CFAP70: variants seen among roughly 807,000 people sequenced by gnomAD.
CFAP70 encodes cilia- and flagella-associated protein 70.
A neutral mutation model predicts 137.6 loss-of-function variants in CFAP70; 81 were observed. The ratio of observed to expected loss-of-function variants is 0.59; its 90% CI spans 0.49 to 0.71. The LOEUF (loss-of-function observed/expected upper bound fraction) is 0.71. Among genes scored for constraint, CFAP70 ranks in the 30% least tolerant of loss-of-function variants. CFAP70 has a pLI of 0.00. For synonymous variants in CFAP70, 382 were observed against 423.6 expected, an observed-to-expected ratio of 0.90 and a Z score of 1.20; for missense variants, 976 against 1,226.7, an observed-to-expected ratio of 0.80 and a Z score of 3.05.
At chr10:73,274,553 C>G (rs765539520) in exon 23 of CFAP70, 1 of 1,614,094 alleles carries the variant, frequency 6.2e-7, no homozygotes, top group Admixed American at 1.7e-5. Flanking sequence ...GATTTCCACT[C>G]AGAAAATAGA....
At chr10:73,305,619 A>G (rs1247482686) in intron 12 of CFAP70, among the ~76,000 whole-genome samples, 1 of 152,210 alleles carries the variant, frequency 6.6e-6, no homozygotes, top group Non-Finnish European at 1.5e-5. Context: ...TTTTGTTTGT[A>G]TTTAGATCCT....
At chr10:73,289,016 T>C (rs146829464) in intron 19 of CFAP70, among the ~76,000 whole-genome samples, 87 of 152,252 alleles carry the variant, frequency 5.7e-4, no homozygotes, top group African/African-American at 2.0e-3. Context: ...CTTACATTGG[T>C]TCATATCCTT....
chr10:73,307,655 A>C (rs1221604212), intron 12 of CFAP70, among the ~76,000 whole-genome samples: 1 of 152,210 alleles, frequency 6.6e-6, no homozygotes, highest in East Asian at 1.9e-4. Context: ...AAATACAGCA[A>C]TAAAATACAA....
chr10:73,357,946 A>G (rs183918036), intron 1 of CFAP70, among the ~76,000 whole-genome samples: 2 of 152,358 alleles, frequency 1.3e-5, no homozygotes, highest in Admixed American at 1.3e-4. Context: ...TGTCCTGTTT[A>G]TGAAGACTGG....
chr10:73,297,934 CA>C (rs1197962890), intron 14 of CFAP70, among the ~76,000 whole-genome samples: 1 of 152,188 alleles, frequency 6.6e-6, no homozygotes, highest in Non-Finnish European at 1.5e-5. Context: ...AACCAAGAGT[CA>C]AACTGAGACA....
intron 19 of CFAP70, among the ~76,000 whole-genome samples, chr10:73,288,466 T>C (rs556877334): frequency 1.3e-5 from 2 of 152,306 alleles, no homozygotes; most frequent in East Asian, 3.9e-4. Flanking sequence ...GACCCTCAGG[T>C]GCATGCTCTG....
chr10:73,303,136 A>G (rs967570211), intron 12 of CFAP70, among the ~76,000 whole-genome samples: 2 of 152,122 alleles, frequency 1.3e-5, no homozygotes, highest in East Asian at 1.9e-4. Context: ...AGGTCAAGCA[A>G]TCTTCCTGCC....
intron 8 of CFAP70, among the ~76,000 whole-genome samples, chr10:73,323,341 GC>G (rs1321773799): frequency 8.4e-6 from 1 of 119,388 alleles, no homozygotes; most frequent in African/African-American, 3.0e-5. Flanking sequence ...CGGGGGGGGG[GC>G]AGCCAAGATG....
intron 9 of CFAP70, among the ~76,000 whole-genome samples, chr10:73,322,659 G>T (rs2050980876): frequency 6.7e-6 from 1 of 150,244 alleles, no homozygotes; most frequent in African/African-American, 2.5e-5. Flanking sequence ...GCTGTTGCAT[G>T]TATCATTAGC....
chr10:73,348,112 ATT>A (rs773690222), intron 4 of CFAP70, 42 bp downstream of exon 5: 32 of 1,565,044 alleles, frequency 2.0e-5, no homozygotes, highest in Non-Finnish European at 2.6e-5. Flanking sequence ...GAATTGTTAC[ATT>A]GAATGGCAGG....
intron 25 of CFAP70, among the ~76,000 whole-genome samples, chr10:73,268,694 T>C (rs2045985192): frequency 8.8e-6 from 1 of 113,622 alleles, no homozygotes; most frequent in Non-Finnish European, 1.7e-5. Context: ...GTTTTTCTTC[T>C]TTTTTTTCTT....
In CFAP70 at chr10:73,357,000, C is replaced by T. The variant is rs145268942; in HGVS notation, c.-40+1714G>A. 7.2e-5 allele frequency among the ~76,000 whole-genome samples: 11 copies of T among 151,980 alleles called. No homozygotes were observed. The East Asian group carries it at 2.1e-3, about 29-fold the overall frequency. ...CAAGAAATTTAAAATCTAGTGAGGA[C>T]GAGAGACGTGTAACTAGACCAGGAG... On this transcript the variant is annotated intron_variant, in intron 1 of 26. Transcript: ENST00000310715.
rs778132541 is a variant in CFAP70 at position 73,291,260 on chromosome 10, A to G, written c.2205T>C (p.Gly735=). ...CTTCCACCTTGATTGCTGTTGCAGA[A>G]CCATTTGTGATTCCCCAAGGGCCTA... The change falls in exon 19 of 27, where the codon GGT becomes GGC. Residue 735 remains glycine, a synonymous_variant. Transcript: ENST00000310715. The G allele has an allele frequency of 1.9e-6, 3 of 1,614,134 alleles. No individual in the cohort carries two copies. The Admixed American group carries it at 5.0e-5, about 27-fold the overall frequency.
exon 6 of CFAP70, chr10:73,341,538 C>G (rs2053252032): frequency 6.2e-7 from 1 of 1,614,026 alleles, no homozygotes; most frequent in East Asian, 2.2e-5. Flanking sequence ...CCTTTCCCCT[C>G]CAAGCTTCAG....
intron 9 of CFAP70, among the ~76,000 whole-genome samples, chr10:73,318,397 C>T (rs1240512969): frequency 6.6e-6 from 1 of 152,036 alleles, no homozygotes; most frequent in African/African-American, 2.4e-5. Context: ...TATATTTTGA[C>T]TTTCATTTAA....
rs563237538 is a variant in CFAP70, at chr10:73,275,271, G to A, written c.2673+175C>T. Reference sequence around the variant, plus strand: ...TGCGATTACAGTTGTGAGCCACCGCGCCCAGCCAACTCATGATTACTTAAG... The same window carrying A: ...TGCGATTACAGTTGTGAGCCACCGCACCCAGCCAACTCATGATTACTTAAG... On this transcript the variant is annotated intron_variant, in intron 22 of 26. Coordinates refer to ENST00000310715, the Ensembl canonical transcript of CFAP70. The surrounding 1 kb of genome is among the most constrained non-coding windows in gnomAD (Gnocchi z 4.0). 263 of 555,542 alleles carry A rather than the reference G, an allele frequency of 4.7e-4. 1 individual carries two copies. Among genetic ancestry groups the A allele is most frequent in the Non-Finnish European group, 6.2e-4 (225 of 361,966 alleles). 34.4% of individuals were successfully genotyped at this position (555,542 alleles called of 1,614,324 possible). A position where few individuals can be genotyped will look rare whatever the true frequency, so the allele number is the denominator to read the frequency against.
intron 9 of CFAP70, among the ~76,000 whole-genome samples, chr10:73,319,121 C>T (rs1385381719): frequency 6.6e-6 from 1 of 152,106 alleles, no homozygotes; most frequent in Non-Finnish European, 1.5e-5. Flanking sequence ...AAAACAATAA[C>T]CAAGGAAGTT....
At chr10:73,340,836 C>T (rs7909520) in intron 6 of CFAP70, among the ~76,000 whole-genome samples, 16,111 of 152,260 alleles carry the variant, frequency 0.11, 1,236 homozygotes, top group East Asian at 0.3. Context: ...CAGGAGCAGG[C>T]ACTTCCAAGC....
At chr10:73,291,661 C>T (rs764444922) in exon 18 of CFAP70, 8 of 1,613,570 alleles carry the variant, frequency 5.0e-6, no homozygotes, top group Admixed American at 1.7e-5. Context: ...CAGGCTACAA[C>T]ATTAGTTGGT....
Sources: gnomAD v4.1 joint callset for allele counts (sites outside exome capture counted in the v4.1 genomes callset) on GRCh38, gnomAD v4.1.1 for gene constraint, Gnocchi (gnomAD v3.1) non-coding constraint, MANE v1.5 for transcripts, NCBI Gene and HGNC (gene_info 2026-07-23, HGNC 2026-07-21) for gene names.